Variants in DGKB observed in about 807,000 individuals in gnomAD.
DGKB encodes diacylglycerol kinase beta.
A neutral mutation model predicts 114.3 loss-of-function variants in DGKB; 67 were observed. The ratio of observed to expected loss-of-function variants is 0.59; its 90% CI spans 0.48 to 0.72. The LOEUF is 0.72. Among genes scored for constraint, DGKB ranks in the 30% least tolerant of loss-of-function variants. DGKB has a pLI of 0.00. For synonymous variants in DGKB, 398 were observed against 323.1 expected, an observed-to-expected ratio of 1.23 and a Z score of -2.49; for missense variants, 907 against 975.2, an observed-to-expected ratio of 0.93 and a Z score of 0.93.
At chr7:14,725,579 G>T (rs1829902055) in intron 5 of DGKB, among the ~76,000 whole-genome samples, 1 of 150,952 alleles carries the variant, frequency 6.6e-6, no homozygotes. Context: ...TTGAGATAGG[G>T]TCTCACTCTC....
chr7:14,727,018 T>C (rs1181088605), intron 5 of DGKB, among the ~76,000 whole-genome samples: 1 of 152,214 alleles, frequency 6.6e-6, no homozygotes, highest in Non-Finnish European at 1.5e-5. Flanking sequence ...TTATGATGGA[T>C]TTGGGCCTCT....
Position 14,458,270 on chromosome 7 carries a change from CATA to C in DGKB, c.1835+19888_1835+19890del, listed in dbSNP as rs1398286929. Reference sequence around the variant, plus strand: ...AAAATTTAATAAATTCTTATGACTACATAATAAGTGAACCATCTGATAAAATAG... The same window carrying C: ...AAAATTTAATAAATTCTTATGACTACATAAGTGAACCATCTGATAAAATAG... On this transcript the variant is annotated intron_variant, in intron 21 of 25. Coordinates refer to ENST00000402815, the MANE Select transcript of DGKB (RefSeq NM_001350709.2). Among the ~76,000 whole-genome samples, 17 of 152,216 alleles carry C rather than the reference CATA, an allele frequency of 1.1e-4. No homozygotes were observed. In the East Asian group the frequency reaches 1.7e-3, roughly 16 times the overall value.
intron 23 of DGKB, among the ~76,000 whole-genome samples, chr7:14,307,158 A>C (rs550152092): frequency 6.6e-6 from 1 of 152,336 alleles, no homozygotes; most frequent in South Asian, 2.1e-4. Context: ...TTAGTAGACA[A>C]TGGATAAATA....
At chr7:14,573,418 G>A (rs533623099) in intron 20 of DGKB, among the ~76,000 whole-genome samples, 88 of 151,440 alleles carry the variant, frequency 5.8e-4, no homozygotes, top group African/African-American at 2.0e-3. Context: ...TAAGTTCATG[G>A]ACTCAACCAA....
At chr7:14,643,829 T>A (rs969447542) in intron 13 of DGKB, among the ~76,000 whole-genome samples, 7 of 152,148 alleles carry the variant, frequency 4.6e-5, no homozygotes, top group Non-Finnish European at 7.4e-5. Context: ...ATGTGTGCCA[T>A]CCAGGAGCCC....
intron 1 of DGKB, among the ~76,000 whole-genome samples, chr7:14,946,888 A>G (rs1421301649): frequency 1.3e-5 from 2 of 151,810 alleles, no homozygotes; most frequent in African/African-American, 4.8e-5. Context: ...CCAACAAATC[A>G]TCAAACTCAC....
At chr7:14,162,178 C>A (rs1267598216) in intron 25 of DGKB, among the ~76,000 whole-genome samples, 1 of 152,092 alleles carries the variant, frequency 6.6e-6, no homozygotes, top group Non-Finnish European at 1.5e-5. Flanking sequence ...GGTCAGAAGG[C>A]AAATGTGAGA....
At chr7:14,427,241 G>A (rs972607243) in intron 21 of DGKB, among the ~76,000 whole-genome samples, 1 of 152,064 alleles carries the variant, frequency 6.6e-6, no homozygotes, top group African/African-American at 2.4e-5. Context: ...GGGGCAAAAT[G>A]CCACCAGTCA....
chr7:14,869,141 T>A (rs1411444080), intron 1 of DGKB, among the ~76,000 whole-genome samples: 1 of 152,170 alleles, frequency 6.6e-6, no homozygotes, highest in East Asian at 1.9e-4. Flanking sequence ...CCCATACAGA[T>A]AAGGAATGGC....
chr7:14,640,060 G>A (rs1380604847), intron 13 of DGKB, among the ~76,000 whole-genome samples: 2 of 152,168 alleles, frequency 1.3e-5, no homozygotes, highest in African/African-American at 4.8e-5. Context: ...TTGCACAGGA[G>A]AAGGACAAAC....
At position 14,631,009 on chromosome 7, in the gene DGKB, T is replaced by G. The variant is rs1253188390; in HGVS notation, c.1135-741A>C. Among the ~76,000 whole-genome samples, 7 of 150,886 alleles carry G rather than the reference T, an allele frequency of 4.6e-5. No homozygotes were observed. The East Asian group carries it at 1.4e-3, about 29-fold the overall frequency. On this transcript the variant is annotated intron_variant, in intron 13 of 25. Transcript: ENST00000402815. ...CAAATTTGGATAATTAGTTGACAAA[T>G]CACACACACAATACTAGATAAAGTT...
intron 21 of DGKB, among the ~76,000 whole-genome samples, chr7:14,419,094 A>T (rs571352763): frequency 1.3e-5 from 2 of 152,076 alleles, no homozygotes; most frequent in African/African-American, 4.8e-5. Context: ...TTACTCTGGG[A>T]CAGCGGAATG....
intron 15 of DGKB, among the ~76,000 whole-genome samples, chr7:14,618,335 A>G (rs1469865570): frequency 6.6e-6 from 1 of 151,666 alleles, no homozygotes; most frequent in African/African-American, 2.4e-5. Context: ...GTTCAGTTTT[A>G]GATATTTAAT....
chr7:14,568,576 G>A (rs1000499950), intron 20 of DGKB, among the ~76,000 whole-genome samples: 3 of 152,146 alleles, frequency 2.0e-5, no homozygotes, highest in Non-Finnish European at 2.9e-5. Flanking sequence ...CTGGGTCACC[G>A]ATTGACAACA....
At chr7:14,388,396 A>G (rs1820780782) in intron 21 of DGKB, among the ~76,000 whole-genome samples, 1 of 148,270 alleles carries the variant, frequency 6.7e-6, no homozygotes, top group African/African-American at 2.4e-5. Flanking sequence ...ATACTTAAAT[A>G]TATATGTATG....
intron 20 of DGKB, among the ~76,000 whole-genome samples, chr7:14,545,932 C>T (rs940109862): frequency 3.9e-5 from 6 of 152,178 alleles, no homozygotes; most frequent in African/African-American, 1.4e-4. Flanking sequence ...GCACAGAACT[C>T]ACAGGGACTT....
At chr7:14,711,092 T>G (rs1177475669) in intron 6 of DGKB, among the ~76,000 whole-genome samples, 8 of 152,102 alleles carry the variant, frequency 5.3e-5, no homozygotes, top group African/African-American at 1.9e-4. Flanking sequence ...TCGTTCCAAA[T>G]TTTCCAGTTG....
chr7:14,685,297 G>T lies in DGKB; in HGVS notation c.777C>A (p.Asn259Lys). Residue 259 changes from asparagine to lysine, a missense_variant, in exon 10 of 26, where the codon AAC (asparagine) becomes AAA (lysine). Physicochemically the swap from Asn to Lys is moderately conservative, Grantham distance 94 (BLOSUM62 0). This residue lies in a region of DGKB where 814 missense variants were observed against 856.6 expected (regional missense o/e 0.95). Coordinates refer to ENST00000402815, the MANE Select transcript of DGKB (RefSeq NM_001350709.2). ...LKHFNKPAYC[N>K]LCLNMLIGVG... ...CGCCAATCAGCATGTTCAGGCAAAG[G>T]TTGCAATAGGCAGGTTTGTTAAAGT... 6.2e-7 allele frequency: 1 copy of T among 1,613,858 alleles called. No individual in the cohort carries two copies. Among genetic ancestry groups the T allele is most frequent in the Non-Finnish European group, 8.5e-7 (1 of 1,179,812 alleles).
chr7:14,285,380 G>A (rs1200744909), intron 23 of DGKB, among the ~76,000 whole-genome samples: 1 of 152,190 alleles, frequency 6.6e-6, no homozygotes, highest in African/African-American at 2.4e-5. Context: ...GGAGGATGTA[G>A]TAAGTAAATG....
Sources: gnomAD v4.1 joint callset for allele counts (sites outside exome capture counted in the v4.1 genomes callset) on GRCh38, gnomAD v4.1.1 for gene constraint, gnomAD v4.1.1 regional missense constraint, MANE v1.5 for transcripts, NCBI Gene and HGNC (gene_info 2026-07-23, HGNC 2026-07-21) for gene names.